GFI1B: variants seen among roughly 807,000 people sequenced by gnomAD.
GFI1B encodes the protein growth factor independent 1B transcriptional repressor, also known as zinc finger protein Gfi-1b.
In GFI1B, 20 loss-of-function variants were observed where a neutral mutation model predicts 35.3. The observed-to-expected ratio is 0.57, with a 90% CI of 0.40 to 0.82. GFI1B has a LOEUF of 0.82. Ranked by LOEUF, GFI1B falls within the 40% of genes least tolerant of loss-of-function variation. GFI1B has a pLI of 0.00. For missense variants in GFI1B, 430 were observed against 446.3 expected (o/e 0.96, Z 0.33); for synonymous variants, 178 against 177.6 (o/e 1.00, Z -0.02).
chr9:132,983,508 C>G (rs1294927539), intron 1 of GFI1B, among the ~76,000 whole-genome samples: 1 of 152,096 alleles, frequency 6.6e-6, no homozygotes, highest in Non-Finnish European at 1.5e-5. Flanking sequence ...TTTTTCTCCC[C>G]TCTTGCCCCA....
At chr9:132,949,515 A>G (rs539729495) in intron 1 of GFI1B, among the ~76,000 whole-genome samples, 1 of 152,126 alleles carries the variant, frequency 6.6e-6, no homozygotes, top group African/African-American at 2.4e-5. Flanking sequence ...CAGGGGGACC[A>G]TTCAAACTGC....
In GFI1B at chr9:132,989,177, GCA is replaced by G; in HGVS notation, c.631_632del (p.Thr211AlafsTer62). 6.2e-7 allele frequency: 1 copy of G among 1,613,590 alleles called. No homozygotes were observed. The highest frequency in any genetic ancestry group is 8.5e-7 in the Non-Finnish European group (1 of 1,179,818). ...TCGGCCACGCTGTGAGCCTGGAGCA[GCA>G]CACGCACGTCCACTCCCAGGTGGGC... ...TFGHAVSLEQ[H>X]THVHSQERSF... On this transcript the variant is annotated frameshift_variant, in exon 5 of 7. Transcript: ENST00000372122. LOFTEE classifies it high-confidence loss of function. This position sits in a 1 kb window ranked among gnomAD's most constrained non-coding sequence, Gnocchi z 6.2.
chr9:132,984,155 A>G (rs970573734), intron 1 of GFI1B, among the ~76,000 whole-genome samples: 13 of 152,186 alleles, frequency 8.5e-5, no homozygotes, highest in African/African-American at 3.1e-4. Flanking sequence ...TTTGATAGGC[A>G]AACCATGACC....
chr9:132,973,500 G>A (rs537706130), intron 2 of GFI1B, among the ~76,000 whole-genome samples: 10 of 152,306 alleles, frequency 6.6e-5, no homozygotes, highest in South Asian at 2.1e-4. Flanking sequence ...CAGTCTCACC[G>A]AAAAGCAAGT....
chr9:132,955,883 A>T (rs1008394462), intron 1 of GFI1B, among the ~76,000 whole-genome samples: 2 of 151,808 alleles, frequency 1.3e-5, no homozygotes, highest in African/African-American at 4.8e-5. Context: ...TGGCATGTCC[A>T]AAATCTGCAG....
rs981385811 is a variant in GFI1B at position 132,991,081 on chromosome 9, C to A, written c.*31C>A. ...CGCCGGCTCCCAGCTCCTGGCCAGC[C>A]TGCCCTGCGGTCCTGTCACCTGGAG... On this transcript the variant is annotated 3_prime_UTR_variant, in exon 7 of 7. Transcript: ENST00000372122. The A allele has an allele frequency of 2.5e-6, 4 of 1,603,678 alleles. No homozygotes were observed. Among genetic ancestry groups the A allele is most frequent in the Non-Finnish European group, 3.4e-6 (4 of 1,174,962 alleles).
At chr9:132,972,188 A>G (rs946151035) in intron 1 of GFI1B, among the ~76,000 whole-genome samples, 3 of 152,000 alleles carry the variant, frequency 2.0e-5, no homozygotes, top group Admixed American at 1.3e-4. Context: ...TTTGGAAGCC[A>G]AGGCAGGCAG....
intron 1 of GFI1B, among the ~76,000 whole-genome samples, chr9:132,956,528 T>C (rs943723422): frequency 6.6e-6 from 1 of 152,246 alleles, no homozygotes; most frequent in African/African-American, 2.4e-5. Flanking sequence ...ATGGATGCTC[T>C]TCCATCCTTC....
At chr9:132,979,892 C>A (rs1396135991) in intron 1 of GFI1B, among the ~76,000 whole-genome samples, 2 of 152,150 alleles carry the variant, frequency 1.3e-5, no homozygotes, top group African/African-American at 4.8e-5. Context: ...AATTCGATTA[C>A]AATCTGTGGG....
At chr9:132,984,812 G>A in intron 1 of GFI1B, among the ~76,000 whole-genome samples, 1 of 152,164 alleles carries the variant, frequency 6.6e-6, no homozygotes, top group Non-Finnish European at 1.5e-5. Flanking sequence ...ATGCCCCCAG[G>A]CTCTGGGCCA....
At chr9:132,973,351 G>A (rs1425323597) in intron 2 of GFI1B, among the ~76,000 whole-genome samples, 2 of 152,240 alleles carry the variant, frequency 1.3e-5, no homozygotes, top group Non-Finnish European at 2.9e-5. Flanking sequence ...AGGGCCCGTG[G>A]CCCGGCCTCA....
intron 1 of GFI1B, among the ~76,000 whole-genome samples, chr9:132,956,004 G>A (rs545779387): frequency 6.6e-6 from 1 of 152,246 alleles, no homozygotes; most frequent in East Asian, 1.9e-4. Context: ...ATCTACTCAG[G>A]CCTTGAATTG....
At chr9:132,959,500 G>A (rs1013538922) in intron 1 of GFI1B, among the ~76,000 whole-genome samples, 1 of 152,216 alleles carries the variant, frequency 6.6e-6, no homozygotes, top group African/African-American at 2.4e-5. Context: ...TGAGAGACAC[G>A]TGTGAATATC....
At position 132,988,211 on chromosome 9, in the gene GFI1B, C is replaced by T. The variant is rs759879535; in HGVS notation, c.253C>T (p.Leu85=). The T allele has an allele frequency of 9.3e-6, 15 of 1,613,994 alleles. No homozygotes were observed. In the South Asian group the frequency reaches 1.5e-4, roughly 17 times the overall value. Residue 85 remains leucine, a synonymous_variant, in exon 4 of 7, where the codon CTG becomes TTG. Coordinates refer to ENST00000372122, the MANE Select transcript of GFI1B (RefSeq NM_001377304.1). ...TATCTCCACAGAGGGCCCCATTGTG[C>T]TGTCCCGACCCCAGGATGGGGACTC... The part of the protein sequence containing the change: ...MAPAPEGPIV[L]SRPQDGDSPL...
chr9:132,989,717 C>A lies in GFI1B; in HGVS notation c.649-25C>A. 1 of 1,608,932 alleles carries A rather than the reference C, an allele frequency of 6.2e-7. No homozygotes were observed. Among genetic ancestry groups the A allele is most frequent in the Non-Finnish European group, 8.5e-7 (1 of 1,176,108 alleles). On this transcript the variant is annotated intron_variant, in intron 5 of 6. Coordinates refer to ENST00000372122, the MANE Select transcript of GFI1B (RefSeq NM_001377304.1). The surrounding 1 kb of genome is among the most constrained non-coding windows in gnomAD (Gnocchi z 6.2). ...CCAGTCCTGAGCCTGCACCTGACCCCCCGGGGCCTCATTTCCTCCGGCAGG... is the reference window on the plus strand; with the variant it reads ...CCAGTCCTGAGCCTGCACCTGACCCACCGGGGCCTCATTTCCTCCGGCAGG...
At chr9:132,960,587 C>T (rs925957073) in intron 1 of GFI1B, among the ~76,000 whole-genome samples, 2 of 151,992 alleles carry the variant, frequency 1.3e-5, no homozygotes, top group South Asian at 2.1e-4. Context: ...GCCTCGAGCT[C>T]CTGGGCTCAA....
intron 1 of GFI1B, among the ~76,000 whole-genome samples, chr9:132,962,916 CAA>C (rs60268965): frequency 8.9e-4 from 110 of 124,260 alleles, no homozygotes; most frequent in African/African-American, 3.2e-3. Flanking sequence ...ACTAAAAATA[CAA>C]AAAAAAAAAA....
upstream of GFI1B, among the ~76,000 whole-genome samples, chr9:132,975,527 T>A (rs118100179): frequency 1.7e-3 from 257 of 152,312 alleles, 2 homozygotes; most frequent in East Asian, 0.042. Context: ...GCTTCTTTTG[T>A]ATACTATGTT....
intron 1 of GFI1B, among the ~76,000 whole-genome samples, chr9:132,962,943 G>A (rs939555642): frequency 1.4e-5 from 2 of 147,630 alleles, no homozygotes; most frequent in East Asian, 2.0e-4. Flanking sequence ...ATAGCCAGGC[G>A]TGGTGGCACC....
Sources: allele counts gnomAD v4.1 joint callset (sites outside exome capture counted in the v4.1 genomes callset), GRCh38; gene constraint gnomAD v4.1.1; non-coding constraint Gnocchi (gnomAD v3.1); transcripts MANE v1.5; gene names NCBI Gene and HGNC (gene_info 2026-07-23, HGNC 2026-07-21).